The following TAFA2 variants were observed in gnomAD, a reference collection of about 807,000 sequenced individuals.
TAFA2 encodes the protein TAFA chemokine like family member 2, also known as chemokine-like protein TAFA-2.
TAFA2 carries 7 observed loss-of-function variants against 18.8 expected under a neutral mutation model. The observed-to-expected ratio is 0.37, with a 90% CI of 0.21 to 0.70. The LOEUF is 0.70. Among genes scored for constraint, TAFA2 ranks in the 30% least tolerant of loss-of-function variants. The pLI is 0.53. For missense variants in TAFA2, 122 were observed against 158.1 expected, an observed-to-expected ratio of 0.77 and a Z score of 1.23; for synonymous variants, 60 against 54.2, an observed-to-expected ratio of 1.11 and a Z score of -0.47.
chr12:62,189,943 T>TGC (rs1429944157), intron 1 of TAFA2, among the ~76,000 whole-genome samples: 72 of 141,656 alleles, frequency 5.1e-4, no homozygotes, highest in Non-Finnish European at 1.0e-3. Context: ...GTTTGCTTTG[T>TGC]GTGTGTGTGT....
Position 62,231,999 on chromosome 12 carries a change from A to C in TAFA2, c.-130+26764T>G, listed in dbSNP as rs189764678. ...ACAGGCCTGATCTTAGGGGTAAATA[A>C]GTATTTTTATTAGTTTTCTTTTTTT... On this transcript the variant is annotated intron_variant, in intron 1 of 5. Coordinates refer to the TAFA2 transcript ENST00000551619. 3.3e-3 allele frequency among the ~76,000 whole-genome samples: 497 copies of C among 152,254 alleles called. 2 individuals carry two copies. Among genetic ancestry groups the C allele is most frequent in the Admixed American group, 5.9e-3 (91 of 15,300 alleles).
intron 1 of TAFA2, among the ~76,000 whole-genome samples, chr12:62,086,172 A>C (rs1399032938): frequency 1.3e-5 from 2 of 149,264 alleles, no homozygotes; most frequent in African/African-American, 4.9e-5. Context: ...GTCTCAAAAA[A>C]ACAAAACAAA....
At position 61,960,236 on chromosome 12, in the gene TAFA2, A is replaced by G. The variant is rs534834664; in HGVS notation, c.-1-92810T>C. Among the ~76,000 whole-genome samples the G allele has an allele frequency of 4.6e-5, 7 of 152,056 alleles. No individual in the cohort carries two copies. The South Asian group carries it at 1.4e-3, about 31-fold the overall frequency. On this transcript the variant is annotated intron_variant, in intron 1 of 4. Transcript: ENST00000416284. ...TATGCTGTTTTATATTATGATTTTT[A>G]TCTTAAAGTCTTTCTCTAGAAAATA... is the stretch of plus-strand genomic sequence containing the variant.
intron 1 of TAFA2, among the ~76,000 whole-genome samples, chr12:62,251,401 TAGAG>T (rs963332840): frequency 2.6e-5 from 4 of 152,034 alleles, no homozygotes; most frequent in African/African-American, 4.8e-5. Flanking sequence ...TGAGAGGAAA[TAGAG>T]AGTTTAGAAA....
intron 1 of TAFA2, among the ~76,000 whole-genome samples, chr12:61,870,465 G>A (rs185254330): frequency 6.6e-6 from 1 of 152,294 alleles, no homozygotes; most frequent in East Asian, 1.9e-4. Context: ...TTATGAGCAT[G>A]AAACATACTT....
chr12:62,104,175 T>C (rs1219716097), intron 1 of TAFA2, among the ~76,000 whole-genome samples: 1 of 152,100 alleles, frequency 6.6e-6, no homozygotes, highest in African/African-American at 2.4e-5. Context: ...AGGGAATTTA[T>C]TGAGTAATAA....
chr12:61,758,068 C>T (rs543808510), intron 2 of TAFA2, among the ~76,000 whole-genome samples: 1 of 152,070 alleles, frequency 6.6e-6, no homozygotes, highest in Admixed American at 6.6e-5. Flanking sequence ...ACACTGCCTC[C>T]CCGTAGCAGG....
intron 4 of TAFA2, among the ~76,000 whole-genome samples, chr12:61,737,913 C>A (rs1461092686): frequency 6.6e-6 from 1 of 151,854 alleles, no homozygotes; most frequent in Non-Finnish European, 1.5e-5. Flanking sequence ...TGAGATTATA[C>A]TAGAGTCAAG....
At chr12:62,124,620 A>G (rs1429969788) in intron 1 of TAFA2, among the ~76,000 whole-genome samples, 1 of 152,186 alleles carries the variant, frequency 6.6e-6, no homozygotes, top group African/African-American at 2.4e-5. Context: ...ATCAGACCAG[A>G]AAAAAAGAAT....
chr12:61,913,563 T>G (rs1179498160), intron 1 of TAFA2, among the ~76,000 whole-genome samples: 1 of 152,172 alleles, frequency 6.6e-6, no homozygotes, highest in Non-Finnish European at 1.5e-5. Flanking sequence ...CCTCTCTATT[T>G]TATAGGCTAG....
chr12:62,140,842 G>A (rs764323246), intron 1 of TAFA2, among the ~76,000 whole-genome samples: 5 of 152,134 alleles, frequency 3.3e-5, no homozygotes, highest in African/African-American at 1.2e-4. Flanking sequence ...AAAGACTATA[G>A]GCCTTGCTTG....
At chr12:61,730,317 A>C (rs1870380575) in intron 4 of TAFA2, among the ~76,000 whole-genome samples, 1 of 151,994 alleles carries the variant, frequency 6.6e-6, no homozygotes. Flanking sequence ...GGTTGTTCTA[A>C]GTTGTTATAA....
intron 1 of TAFA2, among the ~76,000 whole-genome samples, chr12:62,073,436 A>G (rs1301734655): frequency 6.6e-6 from 1 of 150,854 alleles, no homozygotes; most frequent in African/African-American, 2.4e-5. Context: ...TATCTTATCT[A>G]TATATTATAG....
intron 2 of TAFA2, among the ~76,000 whole-genome samples, chr12:61,790,006 A>G (rs1018756490): frequency 4.6e-5 from 7 of 151,896 alleles, no homozygotes; most frequent in Non-Finnish European, 1.0e-4. Context: ...CACATGATAA[A>G]GATCATTGAC....
intron 2 of TAFA2, among the ~76,000 whole-genome samples, chr12:61,776,788 C>T (rs1165282513): frequency 1.3e-5 from 2 of 151,706 alleles, no homozygotes; most frequent in African/African-American, 2.4e-5. Flanking sequence ...ATATGTTTAA[C>T]CGTGGTATGT....
intron 1 of TAFA2, among the ~76,000 whole-genome samples, chr12:62,246,441 G>A (rs1023903796): frequency 6.6e-6 from 1 of 152,038 alleles, no homozygotes; most frequent in African/African-American, 2.4e-5. Context: ...CTCAATTTTT[G>A]TAAATATTTC....
intron 2 of TAFA2, among the ~76,000 whole-genome samples, chr12:61,851,627 T>C (rs1300636782): frequency 6.6e-6 from 1 of 151,072 alleles, no homozygotes; most frequent in Non-Finnish European, 1.5e-5. Flanking sequence ...TATAAAAAAT[T>C]AGCTGGGCGT....
intron 1 of TAFA2, among the ~76,000 whole-genome samples, chr12:62,233,539 C>A (rs1330691485): frequency 3.3e-5 from 5 of 152,178 alleles, no homozygotes; most frequent in Non-Finnish European, 7.3e-5. Flanking sequence ...GATCATCAAC[C>A]AGACCTCTCG....
intron 1 of TAFA2, among the ~76,000 whole-genome samples, chr12:62,202,126 C>T (rs979650018): frequency 6.6e-6 from 1 of 151,834 alleles, no homozygotes; most frequent in Non-Finnish European, 1.5e-5. Flanking sequence ...TTATTCTTCT[C>T]TCTTTTCTCC....
Sources: allele counts gnomAD v4.1 joint callset (sites outside exome capture counted in the v4.1 genomes callset), GRCh38; gene constraint gnomAD v4.1.1; transcripts MANE v1.5; gene names NCBI Gene and HGNC (gene_info 2026-07-23, HGNC 2026-07-21).